Variants in JARID2 observed in about 807,000 individuals in gnomAD.
JARID2 encodes protein Jumonji.
Under a neutral mutation model 125.6 loss-of-function variants are expected in JARID2, and 21 were observed. The ratio of observed to expected loss-of-function variants is 0.17; its 90% CI spans 0.12 to 0.24. The LOEUF (loss-of-function observed/expected upper bound fraction) is 0.24, where lower values mean the gene tolerates loss of function less well. Ranked by LOEUF, JARID2 falls within the 10% of genes least tolerant of loss-of-function variation. The pLI, the probability that JARID2 is intolerant of heterozygous loss-of-function variation, is 1.00. For synonymous variants in JARID2, 736 were observed against 661.6 expected, an observed-to-expected ratio of 1.11 and a Z score of -1.73; for missense variants, 1,303 against 1,639.6, an observed-to-expected ratio of 0.79 and a Z score of 3.55.
At chr6:15,399,051 T>C (rs1765321042) in intron 2 of JARID2, among the ~76,000 whole-genome samples, 1 of 152,176 alleles carries the variant, frequency 6.6e-6, no homozygotes, top group African/African-American at 2.4e-5. Flanking sequence ...CAAATAGTCA[T>C]CCCCCGAATG....
intron 1 of JARID2, among the ~76,000 whole-genome samples, chr6:15,275,611 A>G (rs775796164): frequency 1.4e-5 from 2 of 142,162 alleles, no homozygotes; most frequent in African/African-American, 2.6e-5. Flanking sequence ...GTATCCCAGT[A>G]GAAAGGCATA....
intron 1 of JARID2, among the ~76,000 whole-genome samples, chr6:15,285,106 G>T (rs1318647174): frequency 4.9e-4 from 59 of 119,436 alleles, no homozygotes; most frequent in African/African-American, 5.6e-4. Context: ...GTCTTTCTGG[G>T]TTTTTTTTTT....
chr6:15,283,151 T>A (rs892472768), intron 1 of JARID2, among the ~76,000 whole-genome samples: 4 of 148,030 alleles, frequency 2.7e-5, no homozygotes, highest in Admixed American at 6.8e-5. Context: ...GCTAATTTTT[T>A]GTATTTTTAT....
In JARID2 at chr6:15,415,544, G is replaced by GGACGGGGCTGCT. The variant is rs1353566334; in HGVS notation, c.323+5180_323+5181insACGGGGCTGCTG. On this transcript the variant is annotated intron_variant, in intron 3 of 17. Transcript: ENST00000341776. ...CGGGCAGAGGCGCCCCTCACCTCCC[G>GGACGGGGCTGCT]GGCAGAGGCGCCCCTCACCTCCCGG... 2.0e-3 allele frequency among the ~76,000 whole-genome samples: 293 copies of GGACGGGGCTGCT among 143,328 alleles called. 3 individuals are homozygous for GGACGGGGCTGCT. Among genetic ancestry groups the GGACGGGGCTGCT allele is most frequent in the African/African-American group, 7.0e-3 (255 of 36,338 alleles). The allele number at this position is 143,328 out of a possible 152,430, so 94.0% of individuals were successfully genotyped here.
At chr6:15,327,283 A>G (rs2127449909) in intron 1 of JARID2, among the ~76,000 whole-genome samples, 1 of 152,174 alleles carries the variant, frequency 6.6e-6, no homozygotes, top group East Asian at 1.9e-4. Flanking sequence ...TTGCCCTGTC[A>G]CCCAGGTTGG....
intron 4 of JARID2, among the ~76,000 whole-genome samples, chr6:15,453,250 C>T (rs942064908): frequency 6.6e-6 from 1 of 152,212 alleles, no homozygotes; most frequent in South Asian, 2.1e-4. Context: ...CAGAATTAGG[C>T]GATGCCATTA....
intron 1 of JARID2, among the ~76,000 whole-genome samples, chr6:15,287,366 G>A (rs774995997): frequency 6.6e-6 from 1 of 152,166 alleles, no homozygotes; most frequent in Non-Finnish European, 1.5e-5. Context: ...TTTGTGATAT[G>A]GTAATATGTT....
intron 8 of JARID2, among the ~76,000 whole-genome samples, chr6:15,503,669 A>G (rs775894851): frequency 6.6e-6 from 1 of 152,218 alleles, no homozygotes; most frequent in Non-Finnish European, 1.5e-5. Flanking sequence ...TCCAGCCCCT[A>G]GGATTTGACC....
At chr6:15,387,608 C>T (rs549251899) in intron 2 of JARID2, among the ~76,000 whole-genome samples, 1 of 152,288 alleles carries the variant, frequency 6.6e-6, no homozygotes, top group South Asian at 2.1e-4. Flanking sequence ...ACAGTCTCTG[C>T]AGGCCTTGGA....
intron 1 of JARID2, among the ~76,000 whole-genome samples, chr6:15,363,840 A>G (rs1379878293): frequency 6.6e-6 from 1 of 152,178 alleles, no homozygotes; most frequent in Non-Finnish European, 1.5e-5. Context: ...AAAGGGTGCC[A>G]ATCCCAGGGT....
chr6:15,511,892 C>G (rs1223905158), intron 13 of JARID2, among the ~76,000 whole-genome samples: 1 of 152,192 alleles, frequency 6.6e-6, no homozygotes, highest in Admixed American at 6.5e-5. Flanking sequence ...CTGTGGCCTA[C>G]TTGGCTCTGG....
chr6:15,372,540 T>C (rs1390847970), intron 1 of JARID2, among the ~76,000 whole-genome samples: 2 of 151,864 alleles, frequency 1.3e-5, no homozygotes, highest in Non-Finnish European at 2.9e-5. Context: ...TTGTAGTTTT[T>C]TAGTAGAGAC....
At chr6:15,360,538 AG>A (rs1470891818) in intron 1 of JARID2, among the ~76,000 whole-genome samples, 1 of 152,152 alleles carries the variant, frequency 6.6e-6, no homozygotes, top group Non-Finnish European at 1.5e-5. Flanking sequence ...ACTGGAGTAT[AG>A]TGGCTCAATC....
At chr6:15,390,418 C>T (rs1250216256) in intron 2 of JARID2, among the ~76,000 whole-genome samples, 1 of 152,168 alleles carries the variant, frequency 6.6e-6, no homozygotes, top group Non-Finnish European at 1.5e-5. Flanking sequence ...TAGCTCTGTC[C>T]ACGTTGTGCA....
At chr6:15,321,418 G>A (rs972747372) in intron 1 of JARID2, among the ~76,000 whole-genome samples, 1 of 152,188 alleles carries the variant, frequency 6.6e-6, no homozygotes, top group Admixed American at 6.5e-5. Flanking sequence ...TTCAAATTAT[G>A]TTTGAGCAGG....
At chr6:15,369,197 G>T in intron 1 of JARID2, 4 of 303,182 alleles carry the variant, frequency 1.3e-5, no homozygotes, top group African/African-American at 2.1e-5. Flanking sequence ...TTGTCTTTTA[G>T]TAAAAAGACT....
chr6:15,359,617 T>TG (rs1400239549), intron 1 of JARID2, among the ~76,000 whole-genome samples: 1 of 151,846 alleles, frequency 6.6e-6, no homozygotes. Context: ...TGGGTAGCGG[T>TG]GGGGGGTGTG....
intron 2 of JARID2, among the ~76,000 whole-genome samples, chr6:15,375,317 G>C (rs1321993393): frequency 6.6e-6 from 1 of 152,100 alleles, no homozygotes; most frequent in African/African-American, 2.4e-5. Context: ...TTCCACTGTT[G>C]CGTGACTTGA....
In JARID2 at chr6:15,359,279, C is replaced by T. The variant is rs1307946949; in HGVS notation, c.46-14838C>T. Among the ~76,000 whole-genome samples the T allele has an allele frequency of 2.0e-5, 3 of 152,200 alleles. No homozygotes were observed. The East Asian group carries it at 5.8e-4, about 29-fold the overall frequency. On this transcript the variant is annotated intron_variant, in intron 1 of 17. Transcript: ENST00000341776. ...GTCTCCCTGCAAGTCGTAGGGTTTACTCCTTTGGATGTTGCGCTGCTGTAT... is the reference window on the plus strand; with the variant it reads ...GTCTCCCTGCAAGTCGTAGGGTTTATTCCTTTGGATGTTGCGCTGCTGTAT...
Sources: gnomAD v4.1 joint callset for allele counts (sites outside exome capture counted in the v4.1 genomes callset) on GRCh38, gnomAD v4.1.1 for gene constraint, MANE v1.5 for transcripts, NCBI Gene and HGNC (gene_info 2026-07-23, HGNC 2026-07-21) for gene names.